KIF26B: variants seen among roughly 807,000 people sequenced by gnomAD.
The protein encoded by KIF26B is kinesin family member 26B, also known as kinesin-like protein KIF26B.
Under a neutral mutation model 151.2 loss-of-function variants are expected in KIF26B, and 63 were observed. The ratio of observed to expected loss-of-function variants is 0.42; its 90% CI spans 0.34 to 0.51. The LOEUF (loss-of-function observed/expected upper bound fraction) is 0.51, where lower values mean the gene tolerates loss of function less well. Among genes scored for constraint, KIF26B ranks in the 20% least tolerant of loss-of-function variants. The pLI, the probability that KIF26B is intolerant of heterozygous loss-of-function variation, is 0.07. For synonymous variants in KIF26B, 1,357 were observed against 1,262.1 expected, an observed-to-expected ratio of 1.08 and a Z score of -1.59; for missense variants, 2,813 against 2,913.6, an observed-to-expected ratio of 0.97 and a Z score of 0.79.
chr1:245,428,652 C>T (rs1023833333), intron 4 of KIF26B, among the ~76,000 whole-genome samples: 9 of 152,152 alleles, frequency 5.9e-5, no homozygotes, highest in African/African-American at 1.9e-4. Flanking sequence ...GTGAGCTACG[C>T]TAAAGAAAAT....
chr1:245,707,915 A>G lies in KIF26B; in HGVS notation c.*5309A>G, dbSNP rs528499197. ...TTCCCTACATTTCCCTAAGACTCCC[A>G]TCCAACCCCTAGTGCTACTGAAGAG... On this transcript the variant is annotated 3_prime_UTR_variant, in exon 15 of 15. Transcript: ENST00000407071. The G allele has an allele frequency of 8.5e-5, 13 of 152,350 alleles. No individual in the cohort carries two copies. Among genetic ancestry groups the G allele is most frequent in the African/African-American group, 3.1e-4 (13 of 41,584 alleles). The allele number at this position is 152,350 out of a possible 1,614,324, so 9.4% of individuals were successfully genotyped here.
intron 2 of KIF26B, among the ~76,000 whole-genome samples, chr1:245,208,599 G>A (rs563399827): frequency 2.0e-5 from 3 of 152,312 alleles, no homozygotes; most frequent in African/African-American, 7.2e-5. Context: ...GCCTGGGGAG[G>A]CAAGCGGATG....
At chr1:245,262,735 G>A (rs142663949) in intron 2 of KIF26B, among the ~76,000 whole-genome samples, 4,785 of 152,280 alleles carry the variant, frequency 0.031, 122 homozygotes, top group East Asian at 0.066. Flanking sequence ...GATTACAGGC[G>A]TGAGCCACTG....
intron 4 of KIF26B, among the ~76,000 whole-genome samples, chr1:245,507,592 C>A (rs1660749654): frequency 6.6e-6 from 1 of 152,156 alleles, no homozygotes; most frequent in South Asian, 2.1e-4. Context: ...AGCTGGAAGC[C>A]AATTGCCCAC....
chr1:245,368,980 A>G (rs571168264), intron 3 of KIF26B, among the ~76,000 whole-genome samples: 13 of 152,154 alleles, frequency 8.5e-5, no homozygotes, highest in South Asian at 6.2e-4. Flanking sequence ...ATTAAAAAAA[A>G]TACAAAAATT....
chr1:245,243,402 T>C (rs2103561038), intron 2 of KIF26B, among the ~76,000 whole-genome samples: 1 of 151,332 alleles, frequency 6.6e-6, no homozygotes. Flanking sequence ...TTGTCCCTAC[T>C]GATGTAGGGT....
intron 3 of KIF26B, among the ~76,000 whole-genome samples, chr1:245,388,042 G>A (rs753741256): frequency 2.0e-5 from 3 of 152,164 alleles, no homozygotes; most frequent in Non-Finnish European, 1.5e-5. Context: ...CGGCAGAGTT[G>A]CGACCTCTCT....
In KIF26B at chr1:245,501,372, G is replaced by A. The variant is rs977265094; in HGVS notation, c.1167-39395G>A. Among the ~76,000 whole-genome samples the A allele has an allele frequency of 1.8e-4, 27 of 152,302 alleles. 1 individual carries two copies. The highest frequency in any genetic ancestry group is 6.5e-4 in the African/African-American group (27 of 41,558). ...GATATATAGACAGCTCCGAGAACCT[G>A]GCCTGGCATATGGTAAGGACTAGCT... On this transcript the variant is annotated intron_variant, in intron 4 of 14. Coordinates refer to ENST00000407071, the MANE Select transcript of KIF26B (RefSeq NM_018012.4).
At chr1:245,193,587 CA>C (rs369907470) in intron 2 of KIF26B, among the ~76,000 whole-genome samples, 6 of 152,248 alleles carry the variant, frequency 3.9e-5, no homozygotes, top group African/African-American at 1.4e-4. Context: ...TAAGAGCTTT[CA>C]AAGAACCAGA....
intron 2 of KIF26B, among the ~76,000 whole-genome samples, chr1:245,216,624 T>C (rs2103546701): frequency 6.6e-6 from 1 of 152,326 alleles, no homozygotes; most frequent in Non-Finnish European, 1.5e-5. Context: ...TCGGAAAGTA[T>C]GCTTTATGTT....
intron 9 of KIF26B, among the ~76,000 whole-genome samples, chr1:245,639,647 G>T (rs2043868045): frequency 1.3e-5 from 2 of 151,690 alleles, no homozygotes; most frequent in African/African-American, 4.8e-5. Context: ...TATCCCGTGG[G>T]TTCTGGCATA....
intron 3 of KIF26B, among the ~76,000 whole-genome samples, chr1:245,369,132 G>A (rs1224608422): frequency 5.9e-5 from 9 of 151,602 alleles, no homozygotes; most frequent in African/African-American, 9.8e-5. Context: ...CCAGCCTGGT[G>A]ACAGAGCAAG....
intron 5 of KIF26B, among the ~76,000 whole-genome samples, chr1:245,581,183 C>T (rs895342600): frequency 4.6e-5 from 7 of 152,182 alleles, no homozygotes; most frequent in Non-Finnish European, 1.0e-4. Context: ...CCTTTTGGTC[C>T]TTTGAGTAAC....
intron 4 of KIF26B, among the ~76,000 whole-genome samples, chr1:245,444,487 C>G (rs571209193): frequency 6.6e-6 from 1 of 152,320 alleles, no homozygotes; most frequent in Admixed American, 6.5e-5. Flanking sequence ...GGAAAAGAGC[C>G]GCAAGATTAA....
intron 2 of KIF26B, among the ~76,000 whole-genome samples, chr1:245,219,045 G>A (rs1669704969): frequency 6.8e-6 from 1 of 146,844 alleles, no homozygotes; most frequent in Non-Finnish European, 1.5e-5. Context: ...AGAGTGTCTT[G>A]TTCTGACCGT....
intron 5 of KIF26B, among the ~76,000 whole-genome samples, chr1:245,600,436 GA>G (rs2043384414): frequency 3.3e-5 from 5 of 151,406 alleles, no homozygotes; most frequent in Admixed American, 2.0e-4. Flanking sequence ...GAGCTCAAGT[GA>G]CCCTGCTACC....
intron 9 of KIF26B, among the ~76,000 whole-genome samples, chr1:245,640,137 C>CTATATA (rs1354945667): frequency 3.2e-5 from 1 of 31,286 alleles, no homozygotes; most frequent in Non-Finnish European, 6.5e-5. Context: ...CTCTCTCTCT[C>CTATATA]TCTCTCTATA....
At chr1:245,508,904 T>G (rs1176213454) in intron 4 of KIF26B, among the ~76,000 whole-genome samples, 8 of 152,228 alleles carry the variant, frequency 5.3e-5, no homozygotes, top group Admixed American at 5.2e-4. Context: ...AAACTTTTTC[T>G]TTTCATTTTC....
At chr1:245,592,137 A>G (rs146718180) in intron 5 of KIF26B, among the ~76,000 whole-genome samples, 1 of 151,990 alleles carries the variant, frequency 6.6e-6, no homozygotes, top group Non-Finnish European at 1.5e-5. Context: ...TTGTGCCACC[A>G]CTTGTCACCT....
Sources: allele counts gnomAD v4.1 joint callset (sites outside exome capture counted in the v4.1 genomes callset), GRCh38; gene constraint gnomAD v4.1.1; transcripts MANE v1.5; gene names NCBI Gene and HGNC (gene_info 2026-07-23, HGNC 2026-07-21).